Variants in BCORL1 observed in about 807,000 individuals in gnomAD.
BCORL1 encodes the protein BCL-6 corepressor-like protein 1.
A neutral mutation model predicts 87.6 loss-of-function variants in BCORL1; 7 were observed. That is an observed-to-expected ratio of 0.08 (90% CI 0.05 to 0.15). The LOEUF is 0.15. Ranked by LOEUF, BCORL1 falls within the 10% of genes least tolerant of loss-of-function variation. BCORL1 has a pLI of 1.00. For missense variants in BCORL1, 1,215 were observed against 1,499.7 expected (o/e 0.81, Z 3.13); for synonymous variants, 591 against 634.4 (o/e 0.93, Z 1.03).
chrX:130,051,792 A>C, intron 12 of BCORL1, 68 bp from the exon 13 acceptor site: 282 of 923,479 alleles, frequency 3.1e-4, no homozygotes, highest in Non-Finnish European at 3.9e-4. Flanking sequence ...TTATCTGCTT[A>C]GCGCATTTCT....
intron 1 of BCORL1, among the ~76,000 whole-genome samples, chrX:129,994,277 C>G (rs1432242962): frequency 8.9e-6 from 1 of 112,297 alleles, no homozygotes; most frequent in Non-Finnish European, 1.9e-5. Flanking sequence ...TAGAGTATAT[C>G]ACTTTTCAAG....
upstream of BCORL1, chrX:129,981,649 A>T: frequency 9.4e-6 from 1 of 105,898 alleles, no homozygotes; most frequent in Middle Eastern, 4.9e-3. Context: ...GGGAGTATTA[A>T]TATGCTTCTC....
At chrX:130,046,041 G>T (rs1417338349) in intron 11 of BCORL1, among the ~76,000 whole-genome samples, 9 of 111,457 alleles carry the variant, frequency 8.1e-5, no homozygotes, top group Non-Finnish European at 1.5e-4. Flanking sequence ...CAGCACTTTG[G>T]GAGGCTGAGG....
Position 130,012,566 on chromosome X carries a change from C to G in BCORL1, c.87-12C>G. The G allele has an allele frequency of 8.3e-7, 1 of 1,201,180 alleles. No individual in the cohort carries two copies. The highest frequency in any genetic ancestry group is 1.1e-6 in the Non-Finnish European group (1 of 886,720). Reference sequence around the variant, plus strand: ...CCTCATGTCCCTTCTCTGGTTGTATCTTCCATGCTAGAAGAGCACCTCTTT... The same window carrying G: ...CCTCATGTCCCTTCTCTGGTTGTATGTTCCATGCTAGAAGAGCACCTCTTT... On this transcript the variant is annotated splice_polypyrimidine_tract_variant and intron_variant, in intron 2 of 13. Transcript: ENST00000540052.
intron 1 of BCORL1, among the ~76,000 whole-genome samples, chrX:129,990,270 T>C (rs892418421): frequency 1.8e-5 from 2 of 110,446 alleles, no homozygotes; most frequent in Non-Finnish European, 3.8e-5. Flanking sequence ...CTCGCTCTTT[T>C]GCCCAGGCTG....
rs186427704 is a variant in BCORL1 at position 129,984,959 on chromosome X, G to A, written c.-45+2197G>A. ...CTTTGGCGAGCAAGCATCTAGCCCAGGGTTTAGAGGCTCTTTACGTTAGTG... is the reference window on the plus strand; with the variant it reads ...CTTTGGCGAGCAAGCATCTAGCCCAAGGTTTAGAGGCTCTTTACGTTAGTG... On this transcript the variant is annotated intron_variant, in intron 1 of 13. Coordinates refer to ENST00000540052, the MANE Select transcript of BCORL1 (RefSeq NM_001379451.1). Among the ~76,000 whole-genome samples, 24 of 111,803 alleles carry A rather than the reference G, an allele frequency of 2.1e-4. No homozygotes were observed. In the South Asian group the frequency reaches 3.0e-3, roughly 14 times the overall value.
chrX:130,022,867 C>G (rs756262742), intron 5 of BCORL1, 30 bp from the exon 6 acceptor site: 1 of 1,175,303 alleles, frequency 8.5e-7, no homozygotes, highest in Non-Finnish European at 1.2e-6. Context: ...ACATTTCTGC[C>G]TTCTGTCCCC....
chrX:130,038,967 T>C (rs1166110719), intron 10 of BCORL1, among the ~76,000 whole-genome samples, 170 bp from the exon 11 acceptor site: 2 of 111,332 alleles, frequency 1.8e-5, no homozygotes, highest in Non-Finnish European at 3.8e-5. Context: ...GAGATGGTAG[T>C]GGAGAGTTGC....
intron 1 of BCORL1, among the ~76,000 whole-genome samples, chrX:129,984,180 C>T (rs1299683954): frequency 9.7e-6 from 1 of 103,103 alleles, no homozygotes; most frequent in East Asian, 3.1e-4. Flanking sequence ...GCCGCCGCTG[C>T]CGCCGCCGCC....
At chrX:130,022,050 G>A (rs999194236) in intron 5 of BCORL1, among the ~76,000 whole-genome samples, 3 of 110,280 alleles carry the variant, frequency 2.7e-5, no homozygotes, top group Admixed American at 9.7e-5. Flanking sequence ...GCCTCCCAAA[G>A]TGTTGGGATT....
chrX:130,002,792 G>T (rs1928164329), intron 1 of BCORL1, among the ~76,000 whole-genome samples: 1 of 106,807 alleles, frequency 9.4e-6, no homozygotes, highest in Admixed American at 1.0e-4. Context: ...AAGAGAGAGA[G>T]ATGGGTAGGG....
chrX:130,013,621 G>T lies in BCORL1; in HGVS notation c.849G>T (p.Val283=). 1 of 1,210,808 alleles carries T rather than the reference G, an allele frequency of 8.3e-7. No homozygotes were observed. Among genetic ancestry groups the T allele is most frequent in the Non-Finnish European group, 1.1e-6 (1 of 895,333 alleles). The change falls in exon 4 of 14, where the codon GTG becomes GTT. Residue 283 remains valine, a synonymous_variant. Transcript: ENST00000540052. Reference sequence around the variant, plus strand: ...TTTCTGTTTCGGCCTCAGTCTTGGTGCCTGTGCCAGCTTCTGCTCCCCCTT... The same window carrying T: ...TTTCTGTTTCGGCCTCAGTCTTGGTTCCTGTGCCAGCTTCTGCTCCCCCTT... ...NPLSVSASVL[V]PVPASAPPSG... is the part of the protein sequence containing the mutation.
chrX:129,991,492 G>A (rs1441876184), intron 1 of BCORL1, among the ~76,000 whole-genome samples: 1 of 107,146 alleles, frequency 9.3e-6, no homozygotes, highest in Non-Finnish European at 1.9e-5. Context: ...AGGCCACCAT[G>A]CCCGGACAAT....
chrX:130,013,178 A>G lies in BCORL1; in HGVS notation c.406A>G (p.Arg136Gly). The G allele has an allele frequency of 8.2e-7, 1 of 1,212,148 alleles. No homozygotes were observed. Among genetic ancestry groups the G allele is most frequent in the East Asian group, 3.0e-5 (1 of 33,861 alleles). Residue 136 changes from arginine (R) to glycine (G), a missense_variant, in exon 4 of 14, where the codon AGG (arginine) becomes GGG (glycine). Physicochemically the swap from Arg to Gly is moderately radical, Grantham distance 125. Transcript: ENST00000540052. ...TGACAGCGCCGAGGCCAGCAACAGCAGGGCCGACTGCTCCTGGACTCCACT... is the reference window on the plus strand; with the variant it reads ...TGACAGCGCCGAGGCCAGCAACAGCGGGGCCGACTGCTCCTGGACTCCACT... ...ASDSAEASNS[R>G]ADCSWTPLNT...
chrX:129,997,154 G>A (rs902726230), intron 1 of BCORL1, among the ~76,000 whole-genome samples: 1 of 110,859 alleles, frequency 9.0e-6, no homozygotes, highest in Non-Finnish European at 1.9e-5. Flanking sequence ...TTTTGGTGCT[G>A]CCTATCCTCT....
rs1303966350 is a variant in BCORL1, at chrX:130,014,426, T to G, written c.1654T>G (p.Ser552Ala). ...GGTCCCTGGGCCTTTGGCAGATACC[T>G]CCCTTGTTACTGCTTCTGCCAAGGT... ...DGVPGPLADT[S>A]LVTASAKVLP... The change falls in exon 4 of 14, where the codon TCC becomes GCC. Residue 552 changes from serine to alanine, a missense_variant. By Grantham distance (99) the Ser-to-Ala change is moderately conservative. Around this residue, in one of 5 missense-constraint regions of BCORL1, gnomAD observed 861 missense variants for 1,010.0 expected, o/e 0.85. Coordinates refer to ENST00000540052, the MANE Select transcript of BCORL1 (RefSeq NM_001379451.1). 1 of 1,211,083 alleles carries G rather than the reference T, an allele frequency of 8.3e-7. No homozygotes were observed. The highest frequency in any genetic ancestry group is 1.1e-6 in the Non-Finnish European group (1 of 895,293).
chrX:130,016,643 G>T (rs972283055), intron 4 of BCORL1, among the ~76,000 whole-genome samples: 6 of 112,140 alleles, frequency 5.4e-5, no homozygotes, highest in African/African-American at 1.9e-4. Context: ...CCTCTGACGG[G>T]GTTGTTCCTT....
chrX:129,990,067 T>A (rs1398579342), intron 1 of BCORL1, among the ~76,000 whole-genome samples: 1 of 111,379 alleles, frequency 9.0e-6, no homozygotes, highest in Non-Finnish European at 1.9e-5. Flanking sequence ...ATTACAGGCA[T>A]GGGCCACCAT....
intron 13 of BCORL1, among the ~76,000 whole-genome samples, chrX:130,052,705 A>T (rs892307852): frequency 8.9e-6 from 1 of 112,610 alleles, no homozygotes; most frequent in Non-Finnish European, 1.9e-5. Flanking sequence ...GAGAAGGAGA[A>T]TGCGGGCTGA....
Sources: allele counts gnomAD v4.1 joint callset (sites outside exome capture counted in the v4.1 genomes callset), GRCh38; gene constraint gnomAD v4.1.1; regional missense constraint gnomAD v4.1.1; transcripts MANE v1.5; gene names NCBI Gene and HGNC (gene_info 2026-07-23, HGNC 2026-07-21).